MRTFA: variants seen among roughly 807,000 people sequenced by gnomAD.
MRTFA encodes the protein myocardin related transcription factor A.
Under a neutral mutation model 83.5 loss-of-function variants are expected in MRTFA, and 20 were observed. That is an observed-to-expected ratio of 0.24 (90% CI 0.17 to 0.35). The LOEUF (loss-of-function observed/expected upper bound fraction) is 0.35, where lower values mean the gene tolerates loss of function less well. MRTFA is among the 10% of genes least tolerant of loss of function. The pLI, the probability that MRTFA is intolerant of heterozygous loss-of-function variation, is 1.00. For synonymous variants in MRTFA, 659 were observed against 541.2 expected (o/e 1.22, Z -3.02); for missense variants, 1,200 against 1,224.7 (o/e 0.98, Z 0.30).
At chr22:40,531,342 G>C (rs750326709) in intron 3 of MRTFA, among the ~76,000 whole-genome samples, 6 of 146,682 alleles carry the variant, frequency 4.1e-5, no homozygotes, top group Admixed American at 2.8e-4. Context: ...TCCTGCCTCA[G>C]CCTCCTGAAG....
chr22:40,589,227 T>C (rs574430174), intron 2 of MRTFA, among the ~76,000 whole-genome samples: 1 of 152,250 alleles, frequency 6.6e-6, no homozygotes, highest in South Asian at 2.1e-4. Flanking sequence ...TTGAGCAACA[T>C]CTATGAGCTA....
intron 1 of MRTFA, among the ~76,000 whole-genome samples, chr22:40,603,570 A>G (rs2056284194): frequency 6.6e-6 from 1 of 152,196 alleles, no homozygotes; most frequent in Non-Finnish European, 1.5e-5. Context: ...GCCGGCATCT[A>G]CACTGAGATT....
intron 4 of MRTFA, among the ~76,000 whole-genome samples, chr22:40,446,225 A>C (rs1442050969): frequency 6.6e-6 from 1 of 152,260 alleles, no homozygotes; most frequent in East Asian, 1.9e-4. Context: ...GCCTAATAAC[A>C]GTTTTAGCAT....
chr22:40,424,453 G>A (rs372992534), intron 7 of MRTFA, 72 bp from the exon 8 acceptor site: 21 of 1,499,008 alleles, frequency 1.4e-5, no homozygotes, highest in East Asian at 4.8e-5. Flanking sequence ...GGCCTGGCTC[G>A]CAGGCCACAG....
chr22:40,416,586 G>A lies in MRTFA; in HGVS notation c.2578+400C>T, dbSNP rs1199835292. Among the ~76,000 whole-genome samples the A allele has an allele frequency of 1.3e-5, 2 of 152,160 alleles. No homozygotes were observed. The highest frequency in any genetic ancestry group is 2.9e-5 in the Non-Finnish European group (2 of 68,028). ...TGCACACAGCTGCCCCTGCTCACAG[G>A]AGACATCCTGGACCTTCCCCACCAG... On this transcript the variant is annotated intron_variant, in intron 14 of 14. Transcript: ENST00000355630. This position sits in a 1 kb window ranked among gnomAD's most constrained non-coding sequence, Gnocchi z 4.2.
At chr22:40,519,341 C>G (rs901978262) in intron 3 of MRTFA, 1 of 1,063,124 alleles carries the variant, frequency 9.4e-7, no homozygotes, top group South Asian at 1.3e-5. Flanking sequence ...CACTTAGAGA[C>G]TACCCTCTAG....
chr22:40,630,915 C>G (rs562543341), intron 1 of MRTFA, among the ~76,000 whole-genome samples: 15 of 152,192 alleles, frequency 9.9e-5, no homozygotes, highest in Non-Finnish European at 2.2e-4. Context: ...TCAAACTCAG[C>G]CACACAGGTT....
At chr22:40,633,642 AT>A (rs2056664010) in intron 1 of MRTFA, among the ~76,000 whole-genome samples, 1 of 152,152 alleles carries the variant, frequency 6.6e-6, no homozygotes, top group South Asian at 2.1e-4. Flanking sequence ...TTTTTAGGAA[AT>A]ATCACCAAAT....
intron 6 of MRTFA, among the ~76,000 whole-genome samples, chr22:40,430,227 C>A (rs1031909985): frequency 6.6e-6 from 1 of 152,182 alleles, no homozygotes; most frequent in Non-Finnish European, 1.5e-5. Context: ...GTGGCTCACG[C>A]TTGTAATCCC....
chr22:40,553,731 C>CA, intron 2 of MRTFA, among the ~76,000 whole-genome samples: 1 of 152,300 alleles, frequency 6.6e-6, no homozygotes, highest in African/African-American at 2.4e-5. Context: ...CACACAGAGT[C>CA]CTCACTGGAG....
At chr22:40,480,918 TTCAAGAC>T (rs2054079836) in intron 3 of MRTFA, among the ~76,000 whole-genome samples, 1 of 151,276 alleles carries the variant, frequency 6.6e-6, no homozygotes. Context: ...CCGGCCAGAG[TTCAAGAC>T]TTTTCTGAGC....
chr22:40,586,229 C>T (rs1464678778), intron 2 of MRTFA, among the ~76,000 whole-genome samples: 1 of 148,320 alleles, frequency 6.7e-6, no homozygotes, highest in African/African-American at 2.5e-5. Context: ...CTAATAAAAT[C>T]TTATTGATCT....
intron 7 of MRTFA, among the ~76,000 whole-genome samples, chr22:40,428,657 G>A (rs2053004040): frequency 6.6e-6 from 1 of 152,178 alleles, no homozygotes. Context: ...GGGATTACAG[G>A]TGTGTGTTAC....
chr22:40,480,206 T>C (rs1290135499), intron 3 of MRTFA, among the ~76,000 whole-genome samples: 1 of 152,080 alleles, frequency 6.6e-6, no homozygotes, highest in Admixed American at 6.5e-5. Flanking sequence ...CAGCTCTGTC[T>C]GAATGTATAG....
At chr22:40,619,008 TCA>T (rs2056488474) in intron 1 of MRTFA, among the ~76,000 whole-genome samples, 1 of 150,966 alleles carries the variant, frequency 6.6e-6, no homozygotes. Context: ...TATATATATA[TCA>T]ATAATCCAGG....
chr22:40,570,648 G>A (rs1355333609), intron 2 of MRTFA, among the ~76,000 whole-genome samples: 1 of 150,026 alleles, frequency 6.7e-6, no homozygotes. Flanking sequence ...CCTCCTCCTG[G>A]CTGGAAATGT....
At chr22:40,538,775 A>G (rs984542911) in intron 3 of MRTFA, among the ~76,000 whole-genome samples, 1 of 152,108 alleles carries the variant, frequency 6.6e-6, no homozygotes. Flanking sequence ...TTCATAGAAA[A>G]AGAACTAAAG....
Position 40,411,478 on chromosome 22 carries a change from G to C in MRTFA, c.3008C>G (p.Ala1003Gly). ...GCTGGGGGCTGTGGTGCTGAGGGGG[G>C]CTAGGCTCAGCACGGGACCACCTGA... The change falls in exon 15 of 15, where the codon GCC (alanine) becomes GGC (glycine). Residue 1003 changes from alanine to glycine, a missense_variant. Ala to Gly is a moderately conservative substitution (Grantham distance 60, BLOSUM62 0). This residue lies in a region of MRTFA where 1,107 missense variants were observed against 1,041.8 expected (regional missense o/e 1.06). Transcript: ENST00000355630. 6.2e-7 allele frequency: 1 copy of C among 1,608,672 alleles called. No individual in the cohort carries two copies. Among genetic ancestry groups the C allele is most frequent in the Non-Finnish European group, 8.5e-7 (1 of 1,175,792 alleles).
chr22:40,455,201 A>G (rs1283762739), intron 4 of MRTFA, among the ~76,000 whole-genome samples: 1 of 152,224 alleles, frequency 6.6e-6, no homozygotes, highest in Non-Finnish European at 1.5e-5. Flanking sequence ...AAAATTAAAT[A>G]AAAATTAAAA....
Sources: gnomAD v4.1 joint callset for allele counts (sites outside exome capture counted in the v4.1 genomes callset) on GRCh38, gnomAD v4.1.1 for gene constraint, gnomAD v4.1.1 regional missense constraint, Gnocchi (gnomAD v3.1) non-coding constraint, MANE v1.5 for transcripts, NCBI Gene and HGNC (gene_info 2026-07-23, HGNC 2026-07-21) for gene names.